The following KSR2 variants were observed in gnomAD, a reference collection of about 807,000 sequenced individuals.
KSR2 encodes kinase suppressor of ras 2.
Under a neutral mutation model 107.8 loss-of-function variants are expected in KSR2, and 25 were observed. That is an observed-to-expected ratio of 0.23 (90% CI 0.17 to 0.32). The LOEUF (loss-of-function observed/expected upper bound fraction) is 0.32, where lower values mean the gene tolerates loss of function less well. KSR2 is among the 10% of genes least tolerant of loss of function. KSR2 has a pLI of 1.00. For missense variants in KSR2, 887 were observed against 1,268.9 expected (o/e 0.70, Z 4.57); for synonymous variants, 480 against 507.0 (o/e 0.95, Z 0.71).
chr12:117,673,122 A>G (rs1008704419), intron 4 of KSR2, among the ~76,000 whole-genome samples: 1 of 152,230 alleles, frequency 6.6e-6, no homozygotes, highest in African/African-American at 2.4e-5. Flanking sequence ...CAGGAGCTCA[A>G]TGACCTCAGA....
At position 117,524,860 on chromosome 12, in the gene KSR2, G is replaced by A. The variant is rs866893539; in HGVS notation, c.2211C>T (p.Ile737=). 1.2e-6 allele frequency: 2 copies of A among 1,608,556 alleles called. No homozygotes were observed. The highest frequency in any genetic ancestry group is 2.2e-5 in the East Asian group (1 of 44,864). ...GCCCAGGTGGAACTGACCTGGTGAT[G>A]ATGGCCAGGTGAGGCGGGCTCATGC... ...GACMSPPHLA[I]ITSLCKGRTL... Residue 737 remains isoleucine (I), a synonymous_variant, in exon 14 of 20, where the codon ATC becomes ATT. Coordinates refer to ENST00000339824, the MANE Select transcript of KSR2 (RefSeq NM_173598.6).
intron 3 of KSR2, among the ~76,000 whole-genome samples, chr12:117,792,930 C>A (rs1294354047): frequency 6.6e-6 from 1 of 150,558 alleles, no homozygotes; most frequent in East Asian, 2.0e-4. Flanking sequence ...ACCCTCACAC[C>A]AACATGCACA....
At chr12:117,562,008 A>C (rs1056396967) in intron 7 of KSR2, among the ~76,000 whole-genome samples, 3 of 152,196 alleles carry the variant, frequency 2.0e-5, no homozygotes, top group Non-Finnish European at 4.4e-5. Context: ...GTATAAGCAG[A>C]TAAATCAAAT....
chr12:117,793,547 A>C (rs1032886622), intron 3 of KSR2, among the ~76,000 whole-genome samples: 1 of 149,936 alleles, frequency 6.7e-6, no homozygotes, highest in South Asian at 2.1e-4. Context: ...TCACGCCAAC[A>C]TGCACACTCA....
At chr12:117,754,911 C>T (rs1386537846) in intron 4 of KSR2, among the ~76,000 whole-genome samples, 1 of 152,222 alleles carries the variant, frequency 6.6e-6, no homozygotes. Flanking sequence ...GCTTTGGAAC[C>T]TGTTCACAAA....
At position 117,566,134 on chromosome 12, in the gene KSR2, G is replaced by A. The variant is rs372949651; in HGVS notation, c.1326-7561C>T. Among the ~76,000 whole-genome samples the A allele has an allele frequency of 3.4e-4, 51 of 151,536 alleles. No homozygotes were observed. The South Asian group carries it at 0.011, about 32-fold the overall frequency. On this transcript the variant is annotated intron_variant, in intron 7 of 19. Transcript: ENST00000339824. ...ACCTCTCCCTCCTCCCACCCTCCTT[G>A]CTCAAGTAGGCCGCCATGTCTATTG...
chr12:117,576,026 C>A (rs922713734), intron 7 of KSR2, among the ~76,000 whole-genome samples: 2 of 152,140 alleles, frequency 1.3e-5, no homozygotes, highest in Admixed American at 1.3e-4. Context: ...TACCCCCCCA[C>A]CCTATCCCTA....
At chr12:117,643,681 T>A (rs557396894) in intron 5 of KSR2, among the ~76,000 whole-genome samples, 112 of 152,282 alleles carry the variant, frequency 7.4e-4, no homozygotes, top group African/African-American at 2.6e-3. Context: ...GTCTGCAGAC[T>A]GGTCTCTGTA....
intron 5 of KSR2, among the ~76,000 whole-genome samples, chr12:117,615,214 T>C (rs1881805723): frequency 6.8e-6 from 1 of 147,810 alleles, no homozygotes; most frequent in Non-Finnish European, 1.5e-5. Context: ...TCTCTTCAGT[T>C]ACACACACAC....
chr12:117,478,079 G>A (rs1871903859), intron 16 of KSR2, among the ~76,000 whole-genome samples: 1 of 152,104 alleles, frequency 6.6e-6, no homozygotes, highest in African/African-American at 2.4e-5. Context: ...AGCAGTCAGC[G>A]GGAGAGGGGG....
chr12:117,485,747 C>T, intron 14 of KSR2, 56 bp from the exon 15 acceptor site: 1 of 1,202,820 alleles, frequency 8.3e-7, no homozygotes, highest in East Asian at 2.3e-5. Flanking sequence ...GAAGGTGACC[C>T]ACAACAGTTA....
rs1887646624 is a variant in KSR2, at chr12:117,730,888, CCTCCCAAAG to C, written c.986+30114_986+30122del. 3.9e-5 allele frequency among the ~76,000 whole-genome samples: 6 copies of C among 152,214 alleles called. No homozygotes were observed. The South Asian group carries it at 1.0e-3, about 26-fold the overall frequency. On this transcript the variant is annotated intron_variant, in intron 4 of 19. Transcript: ENST00000339824. ...TCCACCTCCCAGCTGCCTGCCTTGG[CCTCCCAAAG>C]TGCTGAGATTGCAGCCTCTGCCCGG... is the stretch of plus-strand genomic sequence containing the variant.
At chr12:117,599,751 T>A (rs1880832924) in intron 5 of KSR2, among the ~76,000 whole-genome samples, 11 of 151,994 alleles carry the variant, frequency 7.2e-5, no homozygotes, top group Admixed American at 7.2e-4. Context: ...ATCAAACATA[T>A]CAAGAATGCA....
At chr12:117,601,636 C>A (rs371846620) in intron 5 of KSR2, among the ~76,000 whole-genome samples, 1 of 152,172 alleles carries the variant, frequency 6.6e-6, no homozygotes, top group Admixed American at 6.5e-5. Context: ...AGGAAGGACC[C>A]CCCCCTAGAG....
At chr12:117,904,316 G>A (rs1894776736) in intron 1 of KSR2, among the ~76,000 whole-genome samples, 1 of 152,152 alleles carries the variant, frequency 6.6e-6, no homozygotes, top group South Asian at 2.1e-4. Flanking sequence ...TAAACTCGTT[G>A]AATGAGTTTG....
At chr12:117,852,707 G>C (rs989559916) in intron 3 of KSR2, among the ~76,000 whole-genome samples, 9 of 152,108 alleles carry the variant, frequency 5.9e-5, no homozygotes, top group Admixed American at 5.9e-4. Context: ...AACCTCAAAC[G>C]CTCACTGTCA....
chr12:117,753,459 A>C (rs530695303), intron 4 of KSR2, among the ~76,000 whole-genome samples: 4 of 152,354 alleles, frequency 2.6e-5, no homozygotes, highest in African/African-American at 9.6e-5. Flanking sequence ...TGGTATATAT[A>C]CACTATGGAA....
intron 9 of KSR2, among the ~76,000 whole-genome samples, chr12:117,546,443 G>A (rs1306962991): frequency 2.0e-5 from 3 of 152,104 alleles, no homozygotes; most frequent in Non-Finnish European, 4.4e-5. Flanking sequence ...ATCCTAGCAT[G>A]GATTTCTTTG....
chr12:117,472,744 A>C (rs927967275), intron 17 of KSR2, among the ~76,000 whole-genome samples: 2 of 152,230 alleles, frequency 1.3e-5, no homozygotes, highest in Non-Finnish European at 2.9e-5. Flanking sequence ...AAGGTGCTAA[A>C]AGATTATAGT....
Sources: allele counts gnomAD v4.1 joint callset (sites outside exome capture counted in the v4.1 genomes callset), GRCh38; gene constraint gnomAD v4.1.1; transcripts MANE v1.5; gene names NCBI Gene and HGNC (gene_info 2026-07-23, HGNC 2026-07-21).